The following STK32B variants were observed in gnomAD, a reference collection of about 807,000 sequenced individuals.
STK32B encodes serine/threonine kinase 32B, also known as serine/threonine-protein kinase 32B.
In STK32B, 43 loss-of-function variants were observed where a neutral mutation model predicts 52.6. The ratio of observed to expected loss-of-function variants is 0.82; its 90% CI spans 0.64 to 1.05. The LOEUF (loss-of-function observed/expected upper bound fraction) is 1.05, where lower values mean the gene tolerates loss of function less well. Ranked by LOEUF, STK32B falls within the 50% of genes least tolerant of loss-of-function variation. STK32B has a pLI of 0.00. For missense variants in STK32B, 621 were observed against 534.6 expected (o/e 1.16, Z -1.59); for synonymous variants, 238 against 204.3 (o/e 1.17, Z -1.41).
chr4:5,318,805 ATT>A lies in STK32B; in HGVS notation c.261-12404_261-12403del, dbSNP rs71742049. On this transcript the variant is annotated intron_variant, in intron 3 of 11. Transcript: ENST00000282908. ...GTTGAGAATAATAAAAATAGCAAGT[ATT>A]TTTTTTTTTTGAGACGGAGTCTTGC... Among the ~76,000 whole-genome samples, 575 of 147,270 alleles carry A rather than the reference ATT, an allele frequency of 3.9e-3. 2 individuals carry two copies. The highest frequency in any genetic ancestry group is 6.4e-3 in the African/African-American group (259 of 40,322).
At chr4:5,246,855 C>T (rs1031178450) in intron 3 of STK32B, among the ~76,000 whole-genome samples, 4 of 152,196 alleles carry the variant, frequency 2.6e-5, no homozygotes, top group African/African-American at 9.6e-5. Flanking sequence ...CCCCGTTTTC[C>T]TGGGTATCAG....
chr4:5,161,779 A>G (rs543491631), intron 2 of STK32B, among the ~76,000 whole-genome samples: 2 of 152,306 alleles, frequency 1.3e-5, no homozygotes, highest in Admixed American at 6.5e-5. Context: ...TTTGAGCAAT[A>G]TAGTAGCCAG....
At chr4:5,122,652 T>TTCATTCATTCAC (rs879413872) in intron 1 of STK32B, among the ~76,000 whole-genome samples, 107 of 152,274 alleles carry the variant, frequency 7.0e-4, no homozygotes, top group Admixed American at 1.2e-3. Flanking sequence ...CATTTACTCA[T>TTCATTCATTCAC]TCATTCATTC....
At chr4:5,484,534 CTT>C (rs769427040) in intron 11 of STK32B, among the ~76,000 whole-genome samples, 8 of 152,148 alleles carry the variant, frequency 5.3e-5, no homozygotes, top group Non-Finnish European at 8.8e-5. Context: ...GGTCTTGACT[CTT>C]TATCCAGTTT....
intron 1 of STK32B, among the ~76,000 whole-genome samples, chr4:5,099,454 G>GCGCGCGTGTGCGCGCACA (rs68114862): frequency 1.5e-5 from 2 of 129,744 alleles, no homozygotes; most frequent in African/African-American, 2.6e-5. Context: ...GTGTGTGCGC[G>GCGCGCGTGTGCGCGCACA]CGCGCGTATG....
chr4:5,480,765 A>T (rs912771164), intron 11 of STK32B, among the ~76,000 whole-genome samples: 2 of 151,912 alleles, frequency 1.3e-5, no homozygotes, highest in Admixed American at 6.6e-5. Context: ...CCAGTGTGTA[A>T]TGTTCCCCTT....
chr4:5,031,946 T>A, the STK32B span, among the ~76,000 whole-genome samples: 1 of 152,172 alleles, frequency 6.6e-6, no homozygotes, highest in East Asian at 1.9e-4. Flanking sequence ...ATTCCCCAAC[T>A]GGGAAACAGA....
chr4:5,176,378 G>A (rs934827739), intron 3 of STK32B, among the ~76,000 whole-genome samples: 2 of 151,252 alleles, frequency 1.3e-5, no homozygotes, highest in Admixed American at 6.6e-5. Context: ...GAAATCACCG[G>A]TCTTCTGCGT....
intron 11 of STK32B, among the ~76,000 whole-genome samples, chr4:5,496,548 C>CCTGCTTCTGCTCGCGCACGGGGCG (rs61698429): frequency 7.3e-6 from 1 of 137,918 alleles, no homozygotes. Context: ...AATGCCTTGC[C>CCTGCTTCTGCTCGCGCACGGGGCG]CTGCACCCAC....
At chr4:5,429,567 C>A (rs1713390007) in intron 6 of STK32B, among the ~76,000 whole-genome samples, 1 of 147,366 alleles carries the variant, frequency 6.8e-6, no homozygotes, top group Non-Finnish European at 1.5e-5. Flanking sequence ...AAATATATGT[C>A]ATTGAATTTA....
chr4:5,110,014 G>A (rs367982648), intron 1 of STK32B, among the ~76,000 whole-genome samples: 8 of 147,236 alleles, frequency 5.4e-5, no homozygotes. Context: ...AATAGCCACA[G>A]AAAAAAAAAA....
In STK32B at chr4:5,398,231, G is replaced by A. The variant is rs779361265; in HGVS notation, c.459G>A (p.Leu153=). The stretch of plus-strand genomic sequence containing the variant: ...GAGACATCAAGCCAGACAATATCCT[G>A]CTGGATGAACACGGTAAGCCTGCTA... ...IHRDIKPDNI[L]LDEHGHVHIT... Residue 153 remains leucine (L), a synonymous_variant, in exon 5 of 12, where the codon CTG becomes CTA. Transcript: ENST00000282908. The surrounding 1 kb of genome is among the most constrained non-coding windows in gnomAD (Gnocchi z 4.9). 2.5e-6 allele frequency: 4 copies of A among 1,614,046 alleles called. No homozygotes were observed. The highest frequency in any genetic ancestry group is 3.4e-6 in the Non-Finnish European group (4 of 1,180,008).
At chr4:5,124,918 G>T (rs1224414721) in intron 1 of STK32B, among the ~76,000 whole-genome samples, 1 of 152,152 alleles carries the variant, frequency 6.6e-6, no homozygotes, top group African/African-American at 2.4e-5. Context: ...TTGTGAAGAG[G>T]ATATTATGCA....
chr4:5,104,049 A>G (rs1401787862), intron 1 of STK32B, among the ~76,000 whole-genome samples: 1 of 152,140 alleles, frequency 6.6e-6, no homozygotes, highest in African/African-American at 2.4e-5. Flanking sequence ...TTTTAACAGT[A>G]AGAATGATGT....
intron 1 of STK32B, among the ~76,000 whole-genome samples, chr4:5,083,142 A>T (rs1177567752): frequency 6.6e-6 from 1 of 152,220 alleles, no homozygotes; most frequent in African/African-American, 2.4e-5. Flanking sequence ...TTTCTAAAGT[A>T]GAAAATGATT....
intron 4 of STK32B, among the ~76,000 whole-genome samples, chr4:5,347,422 A>G (rs1281203960): frequency 1.3e-5 from 2 of 152,238 alleles, no homozygotes; most frequent in African/African-American, 4.8e-5. Context: ...TGTGTTATAC[A>G]GCAAAGGGAA....
rs978643751 is a variant in STK32B at position 5,227,748 on chromosome 4, TCAGA to T, written c.260+59303_260+59306del. Among the ~76,000 whole-genome samples the T allele has an allele frequency of 5.9e-5, 9 of 152,224 alleles. 1 individual carries two copies. The highest frequency in any genetic ancestry group is 2.6e-4 in the Admixed American group (4 of 15,288). ...TACTTTATATGTACTTTCTATTTTGTCAGACAGAATATTAAAAAGCATACTCAAA... is the reference window on the plus strand; with the variant it reads ...TACTTTATATGTACTTTCTATTTTGTCAGAATATTAAAAAGCATACTCAAA... On this transcript the variant is annotated intron_variant, in intron 3 of 11. Coordinates refer to ENST00000282908, the MANE Select transcript of STK32B (RefSeq NM_018401.3).
At chr4:5,392,738 A>C (rs1397687421) in intron 4 of STK32B, among the ~76,000 whole-genome samples, 1 of 152,236 alleles carries the variant, frequency 6.6e-6, no homozygotes, top group Non-Finnish European at 1.5e-5. Flanking sequence ...TTGTGTCAAG[A>C]TAATGACATA....
At chr4:5,183,958 G>T (rs1366066134) in intron 3 of STK32B, among the ~76,000 whole-genome samples, 1 of 152,158 alleles carries the variant, frequency 6.6e-6, no homozygotes, top group Non-Finnish European at 1.5e-5. Context: ...TGGCGAGTTT[G>T]ATTTTCTATC....
Sources: gnomAD v4.1 joint callset for allele counts (sites outside exome capture counted in the v4.1 genomes callset) on GRCh38, gnomAD v4.1.1 for gene constraint, Gnocchi (gnomAD v3.1) non-coding constraint, MANE v1.5 for transcripts, NCBI Gene and HGNC (gene_info 2026-07-23, HGNC 2026-07-21) for gene names.